HS6ST3: variants seen among roughly 807,000 people sequenced by gnomAD.
HS6ST3 encodes the protein heparan-sulfate 6-O-sulfotransferase 3.
HS6ST3 carries 12 observed loss-of-function variants against 36.7 expected under a neutral mutation model. The observed-to-expected ratio is 0.33, with a 90% CI of 0.21 to 0.53. The LOEUF (loss-of-function observed/expected upper bound fraction) is 0.53, where lower values mean the gene tolerates loss of function less well. HS6ST3 is among the 20% of genes least tolerant of loss of function. The pLI, the probability that HS6ST3 is intolerant of heterozygous loss-of-function variation, is 0.95. For synonymous variants in HS6ST3, 240 were observed against 257.5 expected (o/e 0.93, Z 0.65); for missense variants, 584 against 640.9 (o/e 0.91, Z 0.96).
chr13:96,625,675 G>A (rs1380993452), intron 1 of HS6ST3, among the ~76,000 whole-genome samples: 1 of 151,848 alleles, frequency 6.6e-6, no homozygotes, highest in African/African-American at 2.4e-5. Context: ...ATGTTAGTTT[G>A]TGAAATGCTT....
intron 1 of HS6ST3, among the ~76,000 whole-genome samples, chr13:96,281,384 T>C (rs569966075): frequency 7.9e-5 from 12 of 152,326 alleles, no homozygotes; most frequent in African/African-American, 2.9e-4. Flanking sequence ...AATGTGAGTA[T>C]TGTTAACAAG....
chr13:96,133,633 G>A (rs987269110), intron 1 of HS6ST3, among the ~76,000 whole-genome samples: 1 of 151,968 alleles, frequency 6.6e-6, no homozygotes, highest in African/African-American at 2.4e-5. Context: ...ATGTTGGCCA[G>A]GCTGGACTCG....
chr13:96,295,099 A>G (rs2054848410), intron 1 of HS6ST3, among the ~76,000 whole-genome samples: 1 of 152,112 alleles, frequency 6.6e-6, no homozygotes, highest in East Asian at 1.9e-4. Flanking sequence ...TTACAAGAGG[A>G]TGATCAACGA....
At chr13:96,806,845 C>T (rs1566458580) in intron 1 of HS6ST3, among the ~76,000 whole-genome samples, 1 of 152,042 alleles carries the variant, frequency 6.6e-6, no homozygotes, top group Non-Finnish European at 1.5e-5. Context: ...CTGGAATGTC[C>T]AAGCTTTTTA....
chr13:96,447,556 T>C (rs2055705143), intron 1 of HS6ST3, among the ~76,000 whole-genome samples: 1 of 152,212 alleles, frequency 6.6e-6, no homozygotes, highest in Admixed American at 6.5e-5. Context: ...AACATGGCGA[T>C]TCCTGCTGCC....
chr13:96,417,580 G>A (rs2055539707), intron 1 of HS6ST3, among the ~76,000 whole-genome samples: 1 of 117,756 alleles, frequency 8.5e-6, no homozygotes, highest in Non-Finnish European at 1.8e-5. Flanking sequence ...AAAAAAAATA[G>A]CATATATATA....
At chr13:96,144,152 T>C (rs2054045140) in intron 1 of HS6ST3, among the ~76,000 whole-genome samples, 1 of 152,184 alleles carries the variant, frequency 6.6e-6, no homozygotes, top group African/African-American at 2.4e-5. Context: ...GAGGATAAAA[T>C]ATCTGTTTGG....
chr13:96,194,632 T>C (rs2054303603), intron 1 of HS6ST3, among the ~76,000 whole-genome samples: 1 of 152,154 alleles, frequency 6.6e-6, no homozygotes, highest in South Asian at 2.1e-4. Context: ...GAGGGTACTT[T>C]AGCAAATTTC....
chr13:96,181,892 A>G (rs1003510307), intron 1 of HS6ST3, among the ~76,000 whole-genome samples: 3 of 151,994 alleles, frequency 2.0e-5, no homozygotes, highest in South Asian at 2.1e-4. Context: ...ATTGTAGAAT[A>G]TTTACTTGAT....
At chr13:96,633,834 G>T (rs1158819760) in intron 1 of HS6ST3, among the ~76,000 whole-genome samples, 1 of 152,172 alleles carries the variant, frequency 6.6e-6, no homozygotes, top group African/African-American at 2.4e-5. Context: ...TGAGTGGCTT[G>T]AAGTACTCAC....
chr13:96,524,875 C>T (rs925008624), intron 1 of HS6ST3, among the ~76,000 whole-genome samples: 2 of 152,232 alleles, frequency 1.3e-5, no homozygotes, highest in Admixed American at 1.3e-4. Context: ...ACTGTCCATC[C>T]TGTCCCAGTG....
chr13:96,293,568 C>G (rs1284671904), intron 1 of HS6ST3, among the ~76,000 whole-genome samples: 2 of 152,122 alleles, frequency 1.3e-5, no homozygotes, highest in African/African-American at 4.8e-5. Context: ...ACTCCCCCCT[C>G]ATGTTTGCCA....
At chr13:96,662,670 T>C (rs951775416) in intron 1 of HS6ST3, among the ~76,000 whole-genome samples, 4 of 152,142 alleles carry the variant, frequency 2.6e-5, no homozygotes, top group African/African-American at 9.7e-5. Context: ...TAGTGTGATA[T>C]AATGGGAATG....
chr13:96,523,538 A>C (rs1289019891), intron 1 of HS6ST3, among the ~76,000 whole-genome samples: 1 of 151,898 alleles, frequency 6.6e-6, no homozygotes. Context: ...ACGTAGTCCC[A>C]TATTTGTTGG....
chr13:96,438,154 C>T (rs909545302), intron 1 of HS6ST3, among the ~76,000 whole-genome samples: 6 of 152,172 alleles, frequency 3.9e-5, no homozygotes, highest in Non-Finnish European at 5.9e-5. Flanking sequence ...AATATAAACA[C>T]CACTGTGTCC....
At chr13:96,664,992 T>C (rs2056658735) in intron 1 of HS6ST3, among the ~76,000 whole-genome samples, 1 of 151,994 alleles carries the variant, frequency 6.6e-6, no homozygotes, top group Non-Finnish European at 1.5e-5. Flanking sequence ...GGCAACATGG[T>C]GAAACCGCGT....
intron 1 of HS6ST3, among the ~76,000 whole-genome samples, chr13:96,378,091 CAAG>C (rs967633327): frequency 5.9e-5 from 9 of 152,072 alleles, no homozygotes; most frequent in African/African-American, 1.9e-4. Context: ...AAGGTTAAAA[CAAG>C]AAGAAGGACC....
At chr13:96,133,510 C>T (rs1413816138) in intron 1 of HS6ST3, among the ~76,000 whole-genome samples, 2 of 152,138 alleles carry the variant, frequency 1.3e-5, no homozygotes, top group Non-Finnish European at 2.9e-5. Context: ...GGAACCTCTG[C>T]CTCCTGGGTT....
chr13:96,794,939 A>G (rs1030850767), intron 1 of HS6ST3, among the ~76,000 whole-genome samples: 2 of 152,096 alleles, frequency 1.3e-5, no homozygotes, highest in African/African-American at 4.8e-5. Flanking sequence ...TGGAAGCAAC[A>G]TGCACATTGT....
Sources: gnomAD v4.1 joint callset for allele counts (sites outside exome capture counted in the v4.1 genomes callset) on GRCh38, gnomAD v4.1.1 for gene constraint, MANE v1.5 for transcripts, NCBI Gene and HGNC (gene_info 2026-07-23, HGNC 2026-07-21) for gene names.